Variants in CPNE4 observed in about 807,000 individuals in gnomAD.
CPNE4 encodes the protein copine-4.
CPNE4 carries 25 observed loss-of-function variants against 67.9 expected under a neutral mutation model. That is an observed-to-expected ratio of 0.37 (90% CI 0.27 to 0.51). CPNE4 has a LOEUF of 0.51. CPNE4 is among the 20% of genes least tolerant of loss of function. The pLI is 0.93. For synonymous variants in CPNE4, 242 were observed against 244.9 expected, an observed-to-expected ratio of 0.99 and a Z score of 0.11; for missense variants, 464 against 690.8, an observed-to-expected ratio of 0.67 and a Z score of 3.68.
intron 1 of CPNE4, among the ~76,000 whole-genome samples, chr3:131,983,812 T>C (rs774988536): frequency 1.3e-5 from 2 of 152,218 alleles, no homozygotes; most frequent in Non-Finnish European, 2.9e-5. Context: ...TTGCAGCCAC[T>C]ATATCCATCG....
intron 2 of CPNE4, among the ~76,000 whole-genome samples, chr3:131,858,969 TGGGAATGAG>T (rs2086566017): frequency 6.6e-6 from 1 of 152,132 alleles, no homozygotes; most frequent in Non-Finnish European, 1.5e-5. Flanking sequence ...CTGAATCTCT[TGGGAATGAG>T]GACCAGCTAT....
At chr3:131,907,109 C>T (rs2088803104) in intron 1 of CPNE4, among the ~76,000 whole-genome samples, 1 of 152,088 alleles carries the variant, frequency 6.6e-6, no homozygotes, top group South Asian at 2.1e-4. Context: ...TGAAGAAATG[C>T]TCTCCATGTG....
chr3:131,655,602 A>G (rs1407481225), intron 7 of CPNE4, among the ~76,000 whole-genome samples: 1 of 152,198 alleles, frequency 6.6e-6, no homozygotes, highest in African/African-American at 2.4e-5. Flanking sequence ...CGTGTGGTCA[A>G]CATAATGTTG....
At chr3:131,815,813 A>C (rs1043595179) in intron 2 of CPNE4, among the ~76,000 whole-genome samples, 2 of 152,212 alleles carry the variant, frequency 1.3e-5, no homozygotes, top group Non-Finnish European at 2.9e-5. Flanking sequence ...ACCAGTGACC[A>C]CAGACATCTG....
At chr3:131,960,718 A>G (rs1484311857) in intron 1 of CPNE4, among the ~76,000 whole-genome samples, 1 of 152,170 alleles carries the variant, frequency 6.6e-6, no homozygotes, top group African/African-American at 2.4e-5. Flanking sequence ...AGGACTCCCC[A>G]AAGAGCTGGA....
At chr3:131,954,144 T>C (rs972016762) in intron 1 of CPNE4, among the ~76,000 whole-genome samples, 3 of 151,426 alleles carry the variant, frequency 2.0e-5, no homozygotes, top group Non-Finnish European at 4.4e-5. Context: ...AGCTAAAAAA[T>C]TACCCAATAT....
intron 1 of CPNE4, among the ~76,000 whole-genome samples, chr3:131,970,295 A>G (rs2072467273): frequency 6.6e-6 from 1 of 152,228 alleles, no homozygotes; most frequent in Non-Finnish European, 1.5e-5. Context: ...TTTGACCTGT[A>G]GCCAAAGCAA....
At chr3:131,970,030 C>T (rs1694019883) in intron 1 of CPNE4, among the ~76,000 whole-genome samples, 1 of 152,214 alleles carries the variant, frequency 6.6e-6, no homozygotes, top group African/African-American at 2.4e-5. Flanking sequence ...GGATTTCCAG[C>T]TCTGTCCTCT....
chr3:131,971,150 G>C (rs1241333929), intron 1 of CPNE4, among the ~76,000 whole-genome samples: 1 of 152,214 alleles, frequency 6.6e-6, no homozygotes, highest in Admixed American at 6.5e-5. Flanking sequence ...AGAAGGCAGA[G>C]CTCAGCTGGG....
intron 6 of CPNE4, among the ~76,000 whole-genome samples, chr3:131,672,974 C>T (rs1582998590): frequency 6.6e-6 from 1 of 152,010 alleles, no homozygotes; most frequent in Non-Finnish European, 1.5e-5. Flanking sequence ...AGTTCGAAGT[C>T]TTAAATTTAT....
intron 1 of CPNE4, among the ~76,000 whole-genome samples, chr3:131,916,428 C>T (rs898605061): frequency 2.0e-5 from 3 of 151,632 alleles, no homozygotes; most frequent in African/African-American, 7.3e-5. Context: ...AAGCCAGAAG[C>T]CAGTTTACTT....
intron 1 of CPNE4, among the ~76,000 whole-genome samples, chr3:131,943,489 T>C (rs2071459812): frequency 6.6e-6 from 1 of 152,174 alleles, no homozygotes. Context: ...CAGCAACTAA[T>C]GTTTATATTA....
intron 2 of CPNE4, among the ~76,000 whole-genome samples, chr3:131,846,757 A>G (rs535141279): frequency 1.8e-4 from 28 of 152,284 alleles, no homozygotes; most frequent in Non-Finnish European, 2.6e-4. Flanking sequence ...GTATTTCCCT[A>G]TGTCTTTTAC....
At chr3:131,597,662 A>T (rs921322003) in intron 7 of CPNE4, among the ~76,000 whole-genome samples, 3 of 152,172 alleles carry the variant, frequency 2.0e-5, no homozygotes, top group African/African-American at 7.2e-5. Context: ...TGGCTTTAAA[A>T]TTTTTATTTT....
At chr3:131,859,490 T>C (rs547837924) in intron 2 of CPNE4, among the ~76,000 whole-genome samples, 4 of 152,252 alleles carry the variant, frequency 2.6e-5, no homozygotes, top group Admixed American at 2.6e-4. Context: ...AAATTTAGCA[T>C]CTATCTCAGC....
chr3:131,777,282 G>C (rs2083313413), intron 2 of CPNE4, among the ~76,000 whole-genome samples: 1 of 152,006 alleles, frequency 6.6e-6, no homozygotes, highest in African/African-American at 2.4e-5. Flanking sequence ...CTAAAGCAGG[G>C]CTATAACTGT....
At chr3:131,713,952 G>T (rs527675177) in intron 3 of CPNE4, among the ~76,000 whole-genome samples, 1 of 152,032 alleles carries the variant, frequency 6.6e-6, no homozygotes, top group Non-Finnish European at 1.5e-5. Flanking sequence ...CGGGAGCTGA[G>T]ATGATGTGAT....
At chr3:131,650,131 T>TAGGCCATAA (rs1315221153) in intron 7 of CPNE4, among the ~76,000 whole-genome samples, 1 of 152,148 alleles carries the variant, frequency 6.6e-6, no homozygotes, top group African/African-American at 2.4e-5. Context: ...AAAGGGCATA[T>TAGGCCATAA]CTGATTAGGT....
At chr3:131,573,897 C>T (rs73874124) in intron 10 of CPNE4, among the ~76,000 whole-genome samples, 6,947 of 152,012 alleles carry the variant, frequency 0.046, 367 homozygotes, top group African/African-American at 0.13. Flanking sequence ...CTCCTGTAAG[C>T]GTTCAGAAAT....
Sources: allele counts gnomAD v4.1 joint callset (sites outside exome capture counted in the v4.1 genomes callset), GRCh38; gene constraint gnomAD v4.1.1; transcripts MANE v1.5; gene names NCBI Gene and HGNC (gene_info 2026-07-23, HGNC 2026-07-21).